Variants in TRPM3 observed in about 807,000 individuals in gnomAD.
The protein encoded by TRPM3 is long transient receptor potential channel 3.
Under a neutral mutation model 181.2 loss-of-function variants are expected in TRPM3, and 77 were observed. The ratio of observed to expected loss-of-function variants is 0.42; its 90% CI spans 0.35 to 0.51. TRPM3 has a LOEUF of 0.51. Among genes scored for constraint, TRPM3 ranks in the 20% least tolerant of loss-of-function variants. The pLI, the probability that TRPM3 is intolerant of heterozygous loss-of-function variation, is 0.01. For synonymous variants in TRPM3, 745 were observed against 796.4 expected, an observed-to-expected ratio of 0.94 and a Z score of 1.09; for missense variants, 1,759 against 2,196.7, an observed-to-expected ratio of 0.80 and a Z score of 3.98.
chr9:71,211,101 T>C (rs1269944065), intron 1 of TRPM3, among the ~76,000 whole-genome samples: 1 of 152,158 alleles, frequency 6.6e-6, no homozygotes, highest in African/African-American at 2.4e-5. Context: ...GGCAGACTTT[T>C]CCTTTTTGAG....
chr9:70,555,216 C>G (rs948532627), intron 22 of TRPM3, among the ~76,000 whole-genome samples: 1 of 152,212 alleles, frequency 6.6e-6, no homozygotes, highest in Non-Finnish European at 1.5e-5. Context: ...TGGGTGCATC[C>G]TGCTCACTCT....
At chr9:71,029,931 A>G (rs1468829458) in intron 1 of TRPM3, among the ~76,000 whole-genome samples, 2 of 152,158 alleles carry the variant, frequency 1.3e-5, no homozygotes, top group Non-Finnish European at 2.9e-5. Context: ...ACACAGACTG[A>G]CCCCTGAGCC....
intron 1 of TRPM3, among the ~76,000 whole-genome samples, chr9:70,880,355 T>C (rs2095965552): frequency 6.6e-6 from 1 of 152,096 alleles, no homozygotes; most frequent in Non-Finnish European, 1.5e-5. Flanking sequence ...CCTTAGAAAA[T>C]AAAGGCAGAT....
chr9:71,252,771 T>C (rs1927944), intron 1 of TRPM3, among the ~76,000 whole-genome samples: 151,484 of 151,574 alleles, frequency 1, 75,697 homozygotes, highest in Non-Finnish European at 1. Context: ...TCCTTGGGCT[T>C]AAGTCAATCT....
At chr9:70,916,024 G>A (rs752584926) in intron 1 of TRPM3, among the ~76,000 whole-genome samples, 5 of 152,152 alleles carry the variant, frequency 3.3e-5, no homozygotes, top group Non-Finnish European at 5.9e-5. Context: ...ATATAGTGGA[G>A]CTCCAATATG....
At chr9:70,925,354 G>A (rs1295881538) in intron 1 of TRPM3, among the ~76,000 whole-genome samples, 2 of 152,000 alleles carry the variant, frequency 1.3e-5, no homozygotes, top group Non-Finnish European at 2.9e-5. Context: ...CCACCCTACC[G>A]CAATGATGTA....
chr9:70,796,780 A>C (rs530480800), intron 6 of TRPM3, among the ~76,000 whole-genome samples: 141 of 152,316 alleles, frequency 9.3e-4, no homozygotes, highest in African/African-American at 3.3e-3. Context: ...TGTATTACCA[A>C]CATATCATAC....
At chr9:71,059,753 C>T (rs2061092781) in intron 1 of TRPM3, among the ~76,000 whole-genome samples, 1 of 152,060 alleles carries the variant, frequency 6.6e-6, no homozygotes, top group Admixed American at 6.5e-5. Context: ...TCCAGCCTGT[C>T]AACCTGCCCT....
intron 1 of TRPM3, among the ~76,000 whole-genome samples, chr9:70,955,538 CATT>C (rs2097058879): frequency 6.6e-6 from 1 of 152,058 alleles, no homozygotes; most frequent in South Asian, 2.1e-4. Context: ...AGTGGATTGA[CATT>C]ATTTTTATTT....
At chr9:71,366,568 T>C (rs2092341834) in intron 1 of TRPM3, among the ~76,000 whole-genome samples, 1 of 152,210 alleles carries the variant, frequency 6.6e-6, no homozygotes, top group African/African-American at 2.4e-5. Context: ...AGGGCCACTA[T>C]AATTACCTTT....
At position 70,547,482 on chromosome 9, in the gene TRPM3, T is replaced by C. The variant is rs570417688; in HGVS notation, c.3707+2060A>G. On this transcript the variant is annotated intron_variant, in intron 25 of 25. Coordinates refer to ENST00000677713, the MANE Select transcript of TRPM3 (RefSeq NM_001366145.2). ...TGTGCATCCCATGGTGTTTCTGTTT[T>C]GCGAGTGCAATTTCAGTGTTGAGAG... Among the ~76,000 whole-genome samples, 16 of 150,964 alleles carry C rather than the reference T, an allele frequency of 1.1e-4. 1 individual carries two copies. The South Asian group carries it at 1.3e-3, about 12-fold the overall frequency.
At chr9:71,214,836 G>A (rs1053560075) in intron 1 of TRPM3, among the ~76,000 whole-genome samples, 1 of 151,932 alleles carries the variant, frequency 6.6e-6, no homozygotes, top group African/African-American at 2.4e-5. Flanking sequence ...TCCCCATCCT[G>A]TTGACCTGGA....
At chr9:70,671,300 C>G (rs546549860) in intron 9 of TRPM3, among the ~76,000 whole-genome samples, 12 of 152,262 alleles carry the variant, frequency 7.9e-5, no homozygotes, top group Non-Finnish European at 1.6e-4. Flanking sequence ...CATCATCTCA[C>G]TGGCTCACTG....
intron 6 of TRPM3, among the ~76,000 whole-genome samples, chr9:70,810,344 C>T (rs2091770488): frequency 6.7e-6 from 1 of 148,692 alleles, no homozygotes; most frequent in Non-Finnish European, 1.5e-5. Flanking sequence ...CTCTCCATCA[C>T]CCTGTCCTAT....
chr9:71,302,850 A>G (rs2086903487), intron 1 of TRPM3, among the ~76,000 whole-genome samples: 1 of 152,104 alleles, frequency 6.6e-6, no homozygotes, highest in Non-Finnish European at 1.5e-5. Context: ...AAGTTATAGT[A>G]TGGACTGAAG....
chr9:71,227,280 A>G (rs897112298), intron 1 of TRPM3, among the ~76,000 whole-genome samples: 2 of 152,008 alleles, frequency 1.3e-5, no homozygotes, highest in African/African-American at 4.8e-5. Flanking sequence ...ATTAAGAAAA[A>G]ATTGAAAAGT....
rs145779027 is a variant in TRPM3, at chr9:70,606,651, G to GTGTATATA, written c.2668-3182_2668-3181insTATATACA. ...TAATTGTGTGTGTGTGTGTGTGTGTGTATATATATATATATATGTATACTC... is the reference window on the plus strand; with the variant it reads ...TAATTGTGTGTGTGTGTGTGTGTGTGTGTATATATATATATATATATATATGTATACTC... On this transcript the variant is annotated intron_variant, in intron 19 of 25. Transcript: ENST00000677713. 4.4e-3 allele frequency among the ~76,000 whole-genome samples: 614 copies of GTGTATATA among 140,728 alleles called. 3 individuals carry two copies. Among genetic ancestry groups the GTGTATATA allele is most frequent in the Admixed American group, 6.1e-3 (83 of 13,600 alleles). The allele number at this position is 140,728 out of a possible 152,430, so 92.3% of individuals were successfully genotyped here.
At chr9:71,206,614 C>G (rs1225348328) in intron 1 of TRPM3, among the ~76,000 whole-genome samples, 1 of 152,056 alleles carries the variant, frequency 6.6e-6, no homozygotes, top group East Asian at 1.9e-4. Context: ...TCAATTTTAG[C>G]TTGTGTTGTC....
intron 8 of TRPM3, among the ~76,000 whole-genome samples, chr9:70,742,680 A>G (rs1193306795): frequency 6.6e-6 from 1 of 152,196 alleles, no homozygotes; most frequent in African/African-American, 2.4e-5. Context: ...GGAGCTGTGT[A>G]GACTTAGACA....
Sources: allele counts gnomAD v4.1 joint callset (sites outside exome capture counted in the v4.1 genomes callset), GRCh38; gene constraint gnomAD v4.1.1; transcripts MANE v1.5; gene names NCBI Gene and HGNC (gene_info 2026-07-23, HGNC 2026-07-21).